The following USP45 variants were observed in gnomAD, a reference collection of about 807,000 sequenced individuals.
The protein encoded by USP45 is ubiquitin carboxyl-terminal hydrolase 45.
Under a neutral mutation model 95.8 loss-of-function variants are expected in USP45, and 89 were observed. That is an observed-to-expected ratio of 0.93 (90% CI 0.78 to 1.11). The LOEUF (loss-of-function observed/expected upper bound fraction) is 1.11, where lower values mean the gene tolerates loss of function less well. Among genes scored for constraint, USP45 ranks in the 50% least tolerant of loss-of-function variants. The probability of loss-of-function intolerance (pLI) is 0.00; values close to 1 mark genes in which losing one functional copy is unlikely to be tolerated. For missense variants in USP45, 898 were observed against 942.5 expected, an observed-to-expected ratio of 0.95 and a Z score of 0.62; for synonymous variants, 281 against 316.2, an observed-to-expected ratio of 0.89 and a Z score of 1.18.
intron 5 of USP45, among the ~76,000 whole-genome samples, chr6:99,500,737 G>C (rs1469720912): frequency 6.6e-6 from 1 of 152,096 alleles, no homozygotes; most frequent in Non-Finnish European, 1.5e-5. Context: ...ATATTTTCCT[G>C]GTTCTTTATT....
intron 13 of USP45, among the ~76,000 whole-genome samples, chr6:99,463,800 CAAAAAAAA>C (rs398002416): frequency 5.9e-5 from 5 of 84,460 alleles, no homozygotes; most frequent in East Asian, 3.2e-4. Flanking sequence ...GACTCCATCT[CAAAAAAAA>C]AAAAAAAAAA....
chr6:99,483,690 T>C (rs1583287755), intron 7 of USP45, among the ~76,000 whole-genome samples: 1 of 147,132 alleles, frequency 6.8e-6, no homozygotes, highest in East Asian at 2.0e-4. Flanking sequence ...TACAAAAAAT[T>C]AGCCAGGCGC....
intron 13 of USP45, among the ~76,000 whole-genome samples, chr6:99,459,317 T>C (rs893123532): frequency 6.6e-6 from 1 of 152,176 alleles, no homozygotes; most frequent in Non-Finnish European, 1.5e-5. Context: ...GGCACAATCT[T>C]ATTCTTTTTT....
chr6:99,498,908 A>G (rs1390144436), intron 5 of USP45, among the ~76,000 whole-genome samples: 1 of 152,182 alleles, frequency 6.6e-6, no homozygotes, highest in Admixed American at 6.5e-5. Context: ...TATCTTTTCT[A>G]CAAATGTTAT....
At chr6:99,450,740 A>T (rs1349475909) in intron 13 of USP45, among the ~76,000 whole-genome samples, 2 of 152,186 alleles carry the variant, frequency 1.3e-5, no homozygotes, top group Admixed American at 6.5e-5. Flanking sequence ...AAAAAAGAGA[A>T]TTTTAGACCA....
intron 7 of USP45, among the ~76,000 whole-genome samples, chr6:99,485,776 A>G (rs576773940): frequency 1.3e-5 from 2 of 152,376 alleles, no homozygotes; most frequent in East Asian, 3.9e-4. Flanking sequence ...CCAGCAGCAT[A>G]TAAGCATATC....
intron 1 of USP45, among the ~76,000 whole-genome samples, chr6:99,513,995 A>G (rs1583520187): frequency 6.6e-6 from 1 of 152,346 alleles, no homozygotes; most frequent in East Asian, 1.9e-4. Flanking sequence ...GCCCAGTACC[A>G]CTAGGAAATA....
At chr6:99,510,829 T>A (rs530961708) in intron 1 of USP45, among the ~76,000 whole-genome samples, 94 of 152,324 alleles carry the variant, frequency 6.2e-4, no homozygotes, top group African/African-American at 2.0e-3. Context: ...TCCAGGTGAA[T>A]GACCAAAACT....
At chr6:99,448,355 T>C (rs901417130) in intron 13 of USP45, among the ~76,000 whole-genome samples, 4 of 152,144 alleles carry the variant, frequency 2.6e-5, no homozygotes, top group African/African-American at 4.8e-5. Context: ...AATGACCTGA[T>C]TGAGCTGAAA....
At chr6:99,464,493 A>C in intron 13 of USP45, 111 bp downstream of exon 13, 1 of 1,199,952 alleles carries the variant, frequency 8.3e-7, no homozygotes, top group South Asian at 1.9e-5. Flanking sequence ...GAAGCCAAAA[A>C]ATGGGTACAT....
chr6:99,498,357 C>T (rs987168077), intron 5 of USP45, among the ~76,000 whole-genome samples: 6 of 152,118 alleles, frequency 3.9e-5, no homozygotes. Context: ...ACTGTCTACC[C>T]ACATAAAAAT....
At chr6:99,462,419 T>C in intron 13 of USP45, 7 of 984,034 alleles carry the variant, frequency 7.1e-6, no homozygotes, top group Non-Finnish European at 8.4e-6. Context: ...CCTAACTCTT[T>C]AAACTAAATA....
upstream of USP45, among the ~76,000 whole-genome samples, chr6:99,517,601 ATTTTTTT>A (rs11398930): frequency 7.3e-6 from 1 of 136,776 alleles, no homozygotes; most frequent in Non-Finnish European, 1.6e-5. Context: ...CACATAGCTA[ATTTTTTT>A]TTTTTTTTTG....
intron 5 of USP45, among the ~76,000 whole-genome samples, chr6:99,499,827 T>C (rs1247259902): frequency 6.6e-6 from 1 of 152,214 alleles, no homozygotes; most frequent in Non-Finnish European, 1.5e-5. Flanking sequence ...TCCTTTTTAG[T>C]TCCTACAACT....
chr6:99,454,455 C>G (rs1486780187), intron 13 of USP45, among the ~76,000 whole-genome samples: 1 of 152,076 alleles, frequency 6.6e-6, no homozygotes, highest in Non-Finnish European at 1.5e-5. Context: ...TGGGACTACA[C>G]TGTAAAAAGC....
chr6:99,439,431 A>G (rs1781102665), intron 16 of USP45, among the ~76,000 whole-genome samples: 1 of 152,214 alleles, frequency 6.6e-6, no homozygotes, highest in Admixed American at 6.5e-5. Flanking sequence ...GCAAATGGTA[A>G]AACTACTACT....
intron 5 of USP45, among the ~76,000 whole-genome samples, chr6:99,491,099 G>C (rs1317172208): frequency 1.3e-5 from 2 of 152,060 alleles, no homozygotes; most frequent in Non-Finnish European, 2.9e-5. Flanking sequence ...AAGCAGAAAA[G>C]AACTAGCAAG....
intron 8 of USP45, 35 bp downstream of exon 8, chr6:99,482,716 ACT>A: frequency 6.5e-7 from 1 of 1,550,218 alleles, no homozygotes; most frequent in Non-Finnish European, 8.7e-7. Context: ...GTATTTTGTA[ACT>A]CATAATTATT....
In USP45 at chr6:99,435,530, A is replaced by G; in HGVS notation, c.*186T>C. On this transcript the variant is annotated 3_prime_UTR_variant, in exon 18 of 18. Transcript: ENST00000500704. ...CAAAATTCACATTTATTTTAAGACT[A>G]TGAATTTTAAAGCATTGAGTAAATT... 1 of 438,060 alleles carries G rather than the reference A, an allele frequency of 2.3e-6. No individual in the cohort carries two copies. Among genetic ancestry groups the G allele is most frequent in the Non-Finnish European group, 3.9e-6 (1 of 257,510 alleles). 27.1% of individuals were successfully genotyped at this position (438,060 alleles called of 1,614,324 possible).
Sources: allele counts gnomAD v4.1 joint callset (sites outside exome capture counted in the v4.1 genomes callset), GRCh38; gene constraint gnomAD v4.1.1; transcripts MANE v1.5; gene names NCBI Gene and HGNC (gene_info 2026-07-23, HGNC 2026-07-21).